GPHN: variants seen among roughly 807,000 people sequenced by gnomAD.
GPHN encodes the protein gephyrin.
In GPHN, 17 loss-of-function variants were observed where a neutral mutation model predicts 95.5. The observed-to-expected ratio is 0.18, with a 90% CI of 0.12 to 0.27. The LOEUF (loss-of-function observed/expected upper bound fraction) is 0.27. GPHN is among the 10% of genes least tolerant of loss of function. The pLI is 1.00. For synonymous variants in GPHN, 320 were observed against 322.5 expected (o/e 0.99, Z 0.08); for missense variants, 660 against 978.1 (o/e 0.67, Z 4.34).
the GPHN span, chr14:67,651,233 T>C: frequency 6.8e-7 from 1 of 1,466,952 alleles, no homozygotes; most frequent in Admixed American, 2.4e-5. Context: ...TAAGTGGTTT[T>C]TCATCTTTCC....
chr14:66,671,425 G>A (rs868408783), intron 1 of GPHN, among the ~76,000 whole-genome samples: 5 of 152,158 alleles, frequency 3.3e-5, no homozygotes, highest in Admixed American at 6.5e-5. Flanking sequence ...AGGAGATTTT[G>A]CTTCTTTAAC....
At chr14:66,983,393 T>C (rs1027754890) in intron 9 of GPHN, among the ~76,000 whole-genome samples, 1 of 152,256 alleles carries the variant, frequency 6.6e-6, no homozygotes, top group Non-Finnish European at 1.5e-5. Flanking sequence ...CACTTTTCTC[T>C]ATTTCTCAAA....
At chr14:67,161,174 G>A (rs1173994854) in intron 19 of GPHN, among the ~76,000 whole-genome samples, 2 of 152,084 alleles carry the variant, frequency 1.3e-5, no homozygotes, top group African/African-American at 4.8e-5. Context: ...TGTGCCTCTA[G>A]TCCCAGCTAC....
chr14:67,711,120 T>C, the GPHN span, among the ~76,000 whole-genome samples: 1 of 152,216 alleles, frequency 6.6e-6, no homozygotes, highest in African/African-American at 2.4e-5. Context: ...CAAACCTTAC[T>C]TCCTGTGGAC....
chr14:67,699,096 C>T, the GPHN span, among the ~76,000 whole-genome samples: 6 of 151,584 alleles, frequency 4.0e-5, no homozygotes, highest in Non-Finnish European at 8.8e-5. Context: ...ACTAAAAATA[C>T]AAAAAAATTA....
chr14:66,845,780 G>T (rs1426616340), intron 4 of GPHN, among the ~76,000 whole-genome samples: 4 of 151,548 alleles, frequency 2.6e-5, no homozygotes, highest in Non-Finnish European at 4.4e-5. Flanking sequence ...GATTCAGTAG[G>T]TTTGGAATTC....
At chr14:67,726,368 T>A in the GPHN span, among the ~76,000 whole-genome samples, 4 of 152,046 alleles carry the variant, frequency 2.6e-5, no homozygotes, top group African/African-American at 9.7e-5. Flanking sequence ...AGCCCCAAAT[T>A]TCAGGAAATA....
the GPHN span, chr14:67,576,056 ATCT>A: frequency 2.9e-6 from 4 of 1,401,014 alleles, no homozygotes; most frequent in Admixed American, 8.3e-5. The surrounding 1 kb of genome is among the most constrained non-coding windows in gnomAD (Gnocchi z 4.0). Flanking sequence ...TGTGATTCTG[ATCT>A]TCCCTTCTCT....
At chr14:66,970,579 C>A (rs996173287) in intron 9 of GPHN, among the ~76,000 whole-genome samples, 3 of 152,168 alleles carry the variant, frequency 2.0e-5, no homozygotes, top group African/African-American at 7.2e-5. Context: ...TGGAGAAGCT[C>A]ATAAAATGGC....
At chr14:66,724,008 C>A (rs1281752029) in intron 2 of GPHN, among the ~76,000 whole-genome samples, 2 of 151,662 alleles carry the variant, frequency 1.3e-5, no homozygotes, top group Non-Finnish European at 2.9e-5. Flanking sequence ...CACACACACA[C>A]ACACACACAC....
At chr14:66,597,991 C>G (rs1465881462) in intron 1 of GPHN, among the ~76,000 whole-genome samples, 3 of 152,178 alleles carry the variant, frequency 2.0e-5, no homozygotes. Flanking sequence ...CATCATGGAT[C>G]AACCTGTAGG....
intron 2 of GPHN, among the ~76,000 whole-genome samples, chr14:66,710,328 C>T (rs997535240): frequency 3.3e-5 from 5 of 151,944 alleles, no homozygotes; most frequent in South Asian, 2.1e-4. Flanking sequence ...TGTTCCAAGG[C>T]GTGGAATCTG....
At chr14:66,556,409 A>T (rs1335628984) in intron 1 of GPHN, among the ~76,000 whole-genome samples, 1 of 152,192 alleles carries the variant, frequency 6.6e-6, no homozygotes, top group Non-Finnish European at 1.5e-5. Flanking sequence ...CTCTAAAGAG[A>T]TGTCGTTAAT....
the GPHN span, among the ~76,000 whole-genome samples, chr14:67,551,663 C>T: frequency 2.0e-5 from 3 of 151,974 alleles, no homozygotes; most frequent in East Asian, 1.9e-4. Flanking sequence ...CCGAGGCAGG[C>T]GAATCACATG....
chr14:66,666,812 AG>A (rs1162079683), intron 1 of GPHN, among the ~76,000 whole-genome samples: 2 of 152,226 alleles, frequency 1.3e-5, no homozygotes, highest in African/African-American at 4.8e-5. Context: ...AATGAAATAA[AG>A]GGCATTCAAA....
chr14:67,166,358 G>A (rs2082275778), intron 20 of GPHN, among the ~76,000 whole-genome samples: 1 of 152,146 alleles, frequency 6.6e-6, no homozygotes, highest in African/African-American at 2.4e-5. Flanking sequence ...CATTTAGCCT[G>A]GAAGAGCCTC....
In GPHN at chr14:66,599,392, A is replaced by ATTTTTTTTTTTTTTTTTTT. The variant is rs765267813; in HGVS notation, c.65-81699_65-81698insTTTTTTTTTTTTTTTTTTT. On this transcript the variant is annotated intron_variant, in intron 1 of 22. Transcript: ENST00000478722. ...TCTCTGATTTTACATTTTTTTTTGC[A>ATTTTTTTTTTTTTTTTTTT]TTTTTTTTTTTTTTTTGCTAGATGC... 9.7e-4 allele frequency among the ~76,000 whole-genome samples: 74 copies of ATTTTTTTTTTTTTTTTTTT among 76,454 alleles called. 2 individuals carry two copies. Among genetic ancestry groups the ATTTTTTTTTTTTTTTTTTT allele is most frequent in the African/African-American group, 2.9e-3 (41 of 13,914 alleles). 50.2% of individuals were successfully genotyped at this position (76,454 alleles called of 152,430 possible). A position where few individuals can be genotyped will look rare whatever the true frequency, so the allele number is the denominator to read the frequency against.
intron 9 of GPHN, among the ~76,000 whole-genome samples, chr14:67,016,340 G>A (rs972227219): frequency 6.6e-6 from 1 of 151,340 alleles, no homozygotes; most frequent in Admixed American, 6.6e-5. Context: ...AATAATAAAT[G>A]CCTATTTTTA....
chr14:67,451,514 T>C, the GPHN span, among the ~76,000 whole-genome samples: 59 of 152,366 alleles, frequency 3.9e-4, no homozygotes, highest in African/African-American at 1.4e-3. Context: ...CAGTGTGATC[T>C]GGATGTGAGA....
Sources: gnomAD v4.1 joint callset for allele counts (sites outside exome capture counted in the v4.1 genomes callset) on GRCh38, gnomAD v4.1.1 for gene constraint, Gnocchi (gnomAD v3.1) non-coding constraint, MANE v1.5 for transcripts, NCBI Gene and HGNC (gene_info 2026-07-23, HGNC 2026-07-21) for gene names.